Variants in ANTXR1 observed in about 807,000 individuals in gnomAD.
ANTXR1 encodes the protein anthrax toxin receptor 1.
In ANTXR1, 19 loss-of-function variants were observed where a neutral mutation model predicts 78.1. The observed-to-expected ratio is 0.24, with a 90% CI of 0.17 to 0.36. The LOEUF is 0.36. Among genes scored for constraint, ANTXR1 ranks in the 10% least tolerant of loss-of-function variants. The probability of loss-of-function intolerance (pLI) is 1.00; values close to 1 mark genes in which losing one functional copy is unlikely to be tolerated. For missense variants in ANTXR1, 518 were observed against 718.6 expected (o/e 0.72, Z 3.19); for synonymous variants, 273 against 260.5 (o/e 1.05, Z -0.46).
intron 10 of ANTXR1, among the ~76,000 whole-genome samples, chr2:69,120,760 C>T (rs1232654178): frequency 6.6e-6 from 1 of 152,204 alleles, no homozygotes; most frequent in Non-Finnish European, 1.5e-5. Flanking sequence ...CTCAATACAG[C>T]GTCACCATTC....
At chr2:69,201,741 C>A (rs559005266) in intron 17 of ANTXR1, among the ~76,000 whole-genome samples, 247 of 152,232 alleles carry the variant, frequency 1.6e-3, no homozygotes, top group Middle Eastern at 3.4e-3. Flanking sequence ...TTGGCCCAAG[C>A]GACATTGCTG....
At chr2:69,212,670 G>C in intron 17 of ANTXR1, among the ~76,000 whole-genome samples, 1 of 152,158 alleles carries the variant, frequency 6.6e-6, no homozygotes, top group East Asian at 1.9e-4. Flanking sequence ...AGGTGTTTTT[G>C]AGACAAGGTC....
intron 10 of ANTXR1, among the ~76,000 whole-genome samples, chr2:69,116,531 TGGTGCTGAACA>T (rs546623311): frequency 6.6e-6 from 1 of 152,344 alleles, no homozygotes; most frequent in South Asian, 2.1e-4. Flanking sequence ...GCTGATAATT[TGGTGCTGAACA>T]GTTATATTTG....
chr2:69,147,120 T>C (rs974495777), intron 12 of ANTXR1, among the ~76,000 whole-genome samples: 3 of 152,154 alleles, frequency 2.0e-5, no homozygotes, highest in Non-Finnish European at 4.4e-5. Context: ...GGAGCCAGGC[T>C]CTATGGGGGT....
chr2:69,187,585 C>CTTTTTTTTTTTTT (rs58660678), intron 16 of ANTXR1, among the ~76,000 whole-genome samples: 3 of 94,898 alleles, frequency 3.2e-5, no homozygotes, highest in African/African-American at 1.4e-4. Flanking sequence ...TCATGTATTT[C>CTTTTTTTTTTTTT]TTTTTTTTTT....
At chr2:69,169,569 T>A (rs546938841) in intron 13 of ANTXR1, among the ~76,000 whole-genome samples, 2 of 152,372 alleles carry the variant, frequency 1.3e-5, no homozygotes, top group East Asian at 3.9e-4. Flanking sequence ...GTCTCCCAAT[T>A]ACTTGCCCAT....
intron 16 of ANTXR1, among the ~76,000 whole-genome samples, chr2:69,189,013 G>T (rs920710261): frequency 2.6e-5 from 4 of 152,178 alleles, no homozygotes; most frequent in Admixed American, 2.0e-4. Context: ...TTCTGATTTT[G>T]GTTGTAAACA....
intron 17 of ANTXR1, among the ~76,000 whole-genome samples, chr2:69,215,225 G>T (rs1330226307): frequency 2.0e-5 from 3 of 152,134 alleles, no homozygotes; most frequent in Admixed American, 6.5e-5. Flanking sequence ...GCCCAGGGAA[G>T]CCCTGATGAA....
intron 8 of ANTXR1, among the ~76,000 whole-genome samples, chr2:69,082,911 C>A (rs1670940084): frequency 6.6e-6 from 1 of 152,188 alleles, no homozygotes; most frequent in Non-Finnish European, 1.5e-5. Context: ...CAATAAACAA[C>A]AAGCATTGAG....
chr2:69,103,407 A>T (rs1446805955), intron 10 of ANTXR1: 1 of 210,996 alleles, frequency 4.7e-6, no homozygotes, highest in African/African-American at 2.4e-5. Flanking sequence ...AAATGCATTA[A>T]TCTTGAATAA....
At chr2:69,239,075 C>T (rs1032499230) in intron 17 of ANTXR1, among the ~76,000 whole-genome samples, 2 of 152,122 alleles carry the variant, frequency 1.3e-5, no homozygotes, top group African/African-American at 4.8e-5. Context: ...AAACTCTTAC[C>T]ACAATAATAG....
At chr2:69,016,393 GA>G (rs566668102) in intron 1 of ANTXR1, among the ~76,000 whole-genome samples, 5 of 151,926 alleles carry the variant, frequency 3.3e-5, no homozygotes, top group East Asian at 1.9e-4. Context: ...ATGTCCTAAA[GA>G]AAAAAAATCC....
At chr2:69,240,972 G>T (rs1185037447) in intron 17 of ANTXR1, among the ~76,000 whole-genome samples, 1 of 152,118 alleles carries the variant, frequency 6.6e-6, no homozygotes, top group African/African-American at 2.4e-5. Context: ...AGGCCAGCTG[G>T]CATCCTAAGC....
At chr2:69,070,538 G>A in intron 3 of ANTXR1, 109 bp from the exon 4 acceptor site, 1 of 989,046 alleles carries the variant, frequency 1.0e-6, no homozygotes, top group Non-Finnish European at 1.6e-6. Context: ...GGAATTACTG[G>A]GACTAGACAG....
chr2:69,053,214 A>G (rs1669975141), intron 3 of ANTXR1, among the ~76,000 whole-genome samples: 1 of 152,184 alleles, frequency 6.6e-6, no homozygotes, highest in Non-Finnish European at 1.5e-5. Flanking sequence ...GGGATTTGGG[A>G]AAAGTTCTGC....
rs78985819 is a variant in ANTXR1 at position 69,111,980 on chromosome 2, C to T, written c.802+9040C>T. 4.2e-4 allele frequency among the ~76,000 whole-genome samples: 64 copies of T among 152,304 alleles called. 2 individuals are homozygous for T. The East Asian group carries it at 6.7e-3, about 16-fold the overall frequency. ...TGTTTCCTTTGTTATGGGTTAGAGT[C>T]TTGCCATATGTTGGTCAAAGGCACT... On this transcript the variant is annotated intron_variant, in intron 10 of 17. Coordinates refer to ENST00000303714, the MANE Select transcript of ANTXR1 (RefSeq NM_032208.3).
intron 14 of ANTXR1, among the ~76,000 whole-genome samples, chr2:69,178,586 GGCCAGGGACTAGAGGGAGAA>G (rs1558624817): frequency 2.0e-5 from 3 of 151,936 alleles, no homozygotes; most frequent in African/African-American, 7.3e-5. Context: ...AAGAGGGAGG[GGCCAGGGACTAGAGGGAGAA>G]CTGCCCCCGT....
intron 9 of ANTXR1, among the ~76,000 whole-genome samples, chr2:69,091,166 G>A (rs1389296899): frequency 7.3e-5 from 11 of 151,708 alleles, no homozygotes; most frequent in East Asian, 1.9e-4. Flanking sequence ...TTCACTGGGC[G>A]CGGCGCCTTA....
chr2:69,076,584 G>C (rs1670738858), intron 7 of ANTXR1, among the ~76,000 whole-genome samples: 3 of 151,792 alleles, frequency 2.0e-5, no homozygotes, highest in African/African-American at 7.3e-5. Context: ...TTCTAAAATA[G>C]ACATTTGTAT....
Sources: allele counts gnomAD v4.1 joint callset (sites outside exome capture counted in the v4.1 genomes callset), GRCh38; gene constraint gnomAD v4.1.1; transcripts MANE v1.5; gene names NCBI Gene and HGNC (gene_info 2026-07-23, HGNC 2026-07-21).